KLF12: variants seen among roughly 807,000 people sequenced by gnomAD.
KLF12 encodes the protein Krueppel-like factor 12.
A neutral mutation model predicts 37.8 loss-of-function variants in KLF12; 9 were observed. The observed-to-expected ratio is 0.24, with a 90% CI of 0.14 to 0.42. The LOEUF is 0.42. Ranked by LOEUF, KLF12 falls within the 10% of genes least tolerant of loss-of-function variation. KLF12 has a pLI of 1.00. For missense variants in KLF12, 411 were observed against 516.0 expected (o/e 0.80, Z 1.97); for synonymous variants, 208 against 202.1 (o/e 1.03, Z -0.25).
chr13:74,184,247 T>C, the KLF12 span, among the ~76,000 whole-genome samples: 2 of 152,234 alleles, frequency 1.3e-5, no homozygotes, highest in African/African-American at 2.4e-5. Context: ...TCTTATATCA[T>C]GCTTTAGGAG....
At chr13:73,967,928 C>T (rs1165038828) in intron 2 of KLF12, among the ~76,000 whole-genome samples, 1 of 152,136 alleles carries the variant, frequency 6.6e-6, no homozygotes, top group Non-Finnish European at 1.5e-5. Context: ...TGACCTGAAA[C>T]TGCTGTGCTT....
chr13:74,278,337 T>G, the KLF12 span, among the ~76,000 whole-genome samples: 1 of 152,214 alleles, frequency 6.6e-6, no homozygotes, highest in Non-Finnish European at 1.5e-5. Flanking sequence ...AACAGCTTTT[T>G]CACTTATTAG....
intron 4 of KLF12, among the ~76,000 whole-genome samples, chr13:73,844,008 A>G (rs2138673128): frequency 6.6e-6 from 1 of 152,234 alleles, no homozygotes; most frequent in Admixed American, 6.5e-5. Flanking sequence ...CTCTCACAAA[A>G]TGATCATGGC....
intron 3 of KLF12, among the ~76,000 whole-genome samples, chr13:73,937,793 T>C (rs927523347): frequency 2.0e-5 from 3 of 152,250 alleles, no homozygotes; most frequent in African/African-American, 7.2e-5. Flanking sequence ...ATTCCTTGTA[T>C]TAATATATTT....
chr13:74,172,435 C>G, the KLF12 span, among the ~76,000 whole-genome samples: 1 of 152,086 alleles, frequency 6.6e-6, no homozygotes, highest in Non-Finnish European at 1.5e-5. Context: ...CAGAGTGGCT[C>G]CAATGCCAAT....
the KLF12 span, among the ~76,000 whole-genome samples, chr13:74,266,797 C>T: frequency 6.6e-6 from 1 of 152,098 alleles, no homozygotes; most frequent in Non-Finnish European, 1.5e-5. Flanking sequence ...AGAAGTAATC[C>T]TGTTGTCTAA....
rs1873897642 is a variant in KLF12, at chr13:73,692,923, C to G, written c.*2567G>C. 6.6e-6 allele frequency: 1 copy of G among 152,458 alleles called. No homozygotes were observed. Among genetic ancestry groups the G allele is most frequent in the Non-Finnish European group, 1.5e-5 (1 of 68,042 alleles). 9.4% of individuals were successfully genotyped at this position (152,458 alleles called of 1,614,324 possible). On this transcript the variant is annotated 3_prime_UTR_variant, in exon 8 of 8. Coordinates refer to ENST00000377669, the MANE Select transcript of KLF12 (RefSeq NM_007249.5). The stretch of plus-strand genomic sequence containing the variant: ...AAATGTTCCCTTCCCCAAATCCATC[C>G]TATGTTATTAGAAAAGTGCAACTCA...
chr13:73,845,509 T>C (rs983161272), intron 4 of KLF12, among the ~76,000 whole-genome samples: 1 of 152,228 alleles, frequency 6.6e-6, no homozygotes, highest in African/African-American at 2.4e-5. Flanking sequence ...TCACCATAGA[T>C]TGCCCTTTCC....
the KLF12 span, among the ~76,000 whole-genome samples, chr13:74,191,417 A>G: frequency 6.6e-6 from 1 of 152,142 alleles, no homozygotes; most frequent in Non-Finnish European, 1.5e-5. Context: ...GTTGAGTTAT[A>G]TTTATTTTCT....
intron 5 of KLF12, among the ~76,000 whole-genome samples, chr13:73,811,838 T>A (rs1882956592): frequency 6.6e-6 from 1 of 152,224 alleles, no homozygotes; most frequent in South Asian, 2.1e-4. Flanking sequence ...ATACAAATTA[T>A]CTCTATAACA....
intron 3 of KLF12, among the ~76,000 whole-genome samples, chr13:73,908,070 T>C (rs945539326): frequency 6.6e-5 from 10 of 152,124 alleles, no homozygotes; most frequent in African/African-American, 2.4e-4. Context: ...TGGTTCAATG[T>C]CTACCTATTA....
chr13:73,962,180 G>A (rs1891041412), intron 2 of KLF12, among the ~76,000 whole-genome samples: 1 of 152,062 alleles, frequency 6.6e-6, no homozygotes, highest in African/African-American at 2.4e-5. Context: ...AGACATGCAG[G>A]AACCTTACAT....
At chr13:73,745,049 T>G (rs1306471351) in intron 6 of KLF12, among the ~76,000 whole-genome samples, 1 of 152,184 alleles carries the variant, frequency 6.6e-6, no homozygotes, top group Non-Finnish European at 1.5e-5. Context: ...GTACCTAAAA[T>G]TATAGCTGCT....
chr13:74,171,808 C>T, the KLF12 span, among the ~76,000 whole-genome samples: 1 of 152,112 alleles, frequency 6.6e-6, no homozygotes, highest in Non-Finnish European at 1.5e-5. Flanking sequence ...CCATGTAAGC[C>T]ACCCACATCT....
the KLF12 span, among the ~76,000 whole-genome samples, chr13:74,252,571 C>G: frequency 1.3e-5 from 2 of 152,132 alleles, no homozygotes; most frequent in Non-Finnish European, 2.9e-5. Context: ...CTAAAGATAA[C>G]GAAACTAAAG....
chr13:73,858,794 C>T (rs1885749409), intron 3 of KLF12, among the ~76,000 whole-genome samples: 1 of 152,104 alleles, frequency 6.6e-6, no homozygotes, highest in Non-Finnish European at 1.5e-5. Context: ...AAAGTTTCAA[C>T]CCTATATTCT....
intron 1 of KLF12, among the ~76,000 whole-genome samples, chr13:74,066,803 C>T (rs1034421476): frequency 6.6e-6 from 1 of 152,182 alleles, no homozygotes; most frequent in African/African-American, 2.4e-5. Flanking sequence ...GCAGCACCAT[C>T]ACTCTGGCCT....
intron 5 of KLF12, chr13:73,800,015 A>G (rs934046880): frequency 3.3e-5 from 5 of 152,180 alleles, no homozygotes; most frequent in African/African-American, 9.6e-5. Flanking sequence ...ATCGTAGCCC[A>G]TAGCTATGTA....
At chr13:74,025,450 G>T (rs773415435) in intron 1 of KLF12, among the ~76,000 whole-genome samples, 1 of 152,008 alleles carries the variant, frequency 6.6e-6, no homozygotes, top group Non-Finnish European at 1.5e-5. Context: ...GAATATATCT[G>T]ATGCTCACTA....
Sources: gnomAD v4.1 joint callset for allele counts (sites outside exome capture counted in the v4.1 genomes callset) on GRCh38, gnomAD v4.1.1 for gene constraint, MANE v1.5 for transcripts, NCBI Gene and HGNC (gene_info 2026-07-23, HGNC 2026-07-21) for gene names.